The following HELZ variants were observed in gnomAD, a reference collection of about 807,000 sequenced individuals.
The protein encoded by HELZ is ATP-dependent RNA helicase with zinc finger domain.
A neutral mutation model predicts 218.2 loss-of-function variants in HELZ; 23 were observed. The ratio of observed to expected loss-of-function variants is 0.11; its 90% CI spans 0.08 to 0.15. The LOEUF is 0.15. HELZ is among the 10% of genes least tolerant of loss of function. The pLI is 1.00. For missense variants in HELZ, 1,813 were observed against 2,353.7 expected (o/e 0.77, Z 4.75); for synonymous variants, 814 against 829.4 (o/e 0.98, Z 0.32).
At chr17:67,085,533 T>TA (rs1444247408) in intron 32 of HELZ, among the ~76,000 whole-genome samples, 2 of 144,714 alleles carry the variant, frequency 1.4e-5, no homozygotes, top group Non-Finnish European at 3.0e-5. Context: ...TGCCAGGAAA[T>TA]AAAAGCAAAA....
At position 67,203,304 on chromosome 17, in the gene HELZ, A is replaced by G; in HGVS notation, c.372+15T>C. On this transcript the variant is annotated intron_variant, in intron 6 of 32. Transcript: ENST00000358691. ...TTTGTTTTCAGGCATACAAAATTAG[A>G]GCTTATCAACATACCAGGGACTCTC... 2 of 1,612,434 alleles carry G rather than the reference A, an allele frequency of 1.2e-6. No homozygotes were observed. Among genetic ancestry groups the G allele is most frequent in the Non-Finnish European group, 1.7e-6 (2 of 1,179,360 alleles).
At chr17:67,217,244 G>A (rs867068874) in intron 4 of HELZ, among the ~76,000 whole-genome samples, 1 of 152,092 alleles carries the variant, frequency 6.6e-6, no homozygotes, top group Non-Finnish European at 1.5e-5. Flanking sequence ...CAATTGCTCA[G>A]ACAAAAAGTA....
intron 14 of HELZ, 85 bp downstream of exon 14, chr17:67,167,378 A>T: frequency 9.6e-7 from 1 of 1,046,384 alleles, no homozygotes; most frequent in South Asian, 1.6e-5. Context: ...TGTTTACGGC[A>T]GAAGAAAAAC....
At chr17:67,089,662 TATATATAG>T (rs1413792538) in intron 31 of HELZ, among the ~76,000 whole-genome samples, 1 of 44,066 alleles carries the variant, frequency 2.3e-5, no homozygotes, top group Non-Finnish European at 4.1e-5. Context: ...TATATATATA[TATATATAG>T]AGAGAGAGAG....
intron 20 of HELZ, 136 bp from the exon 21 acceptor site, chr17:67,146,026 C>T: frequency 1.4e-6 from 1 of 721,538 alleles, no homozygotes; most frequent in Non-Finnish European, 2.3e-6. Flanking sequence ...TCATCTAATA[C>T]TTGTGATACC....
At chr17:67,138,266 T>G in intron 21 of HELZ, 152 bp from the exon 22 acceptor site, 1 of 523,520 alleles carries the variant, frequency 1.9e-6, no homozygotes. Flanking sequence ...AGTAATGCTT[T>G]GCTGATGTGA....
chr17:67,187,192 A>C (rs2039779096), intron 12 of HELZ, among the ~76,000 whole-genome samples: 2 of 152,208 alleles, frequency 1.3e-5, no homozygotes, highest in African/African-American at 2.4e-5. Flanking sequence ...CTATTTAGCT[A>C]TGGAAATTAA....
Position 67,078,531 on chromosome 17 carries a change from C to CTG in HELZ, c.5549_5550insCA (p.Glu1850AspfsTer78). On this transcript the variant is annotated frameshift_variant, in exon 33 of 33. Transcript: ENST00000358691. LOFTEE classifies it high-confidence loss of function. ...CACTGTAGTTGAAGGAACTGGACAC[C>CTG]TCGAGGTTCTCCGACTTCAGTTGAT... is the stretch of plus-strand genomic sequence containing the variant. The CTG allele has an allele frequency of 6.7e-7, 1 of 1,500,766 alleles. No homozygotes were observed. Among genetic ancestry groups the CTG allele is most frequent in the South Asian group, 1.4e-5 (1 of 72,592 alleles). 93.0% of individuals were successfully genotyped at this position (1,500,766 alleles called of 1,614,324 possible).
At chr17:67,174,923 C>G (rs1158920571) in intron 13 of HELZ, among the ~76,000 whole-genome samples, 1 of 152,206 alleles carries the variant, frequency 6.6e-6, no homozygotes, top group Non-Finnish European at 1.5e-5. Context: ...ACCACGATGT[C>G]ACAAAGAGGC....
intron 32 of HELZ, among the ~76,000 whole-genome samples, chr17:67,086,270 A>G (rs1389594228): frequency 1.3e-5 from 2 of 152,140 alleles, no homozygotes; most frequent in African/African-American, 4.8e-5. Context: ...AAATATGGAT[A>G]TATCTACTAA....
chr17:67,212,080 G>C (rs1018670563), intron 5 of HELZ, among the ~76,000 whole-genome samples: 8 of 151,780 alleles, frequency 5.3e-5, no homozygotes, highest in Admixed American at 2.6e-4. Flanking sequence ...AGACTATGCT[G>C]TAAGGCCAAG....
chr17:67,221,945 C>T (rs549055330), intron 3 of HELZ, among the ~76,000 whole-genome samples: 1 of 151,898 alleles, frequency 6.6e-6, no homozygotes, highest in Non-Finnish European at 1.5e-5. Context: ...GGGAATCATC[C>T]TCCTTCCTTG....
In HELZ at chr17:67,071,894, T is replaced by C. The variant is rs940274143; in HGVS notation, c.*6358A>G. On this transcript the variant is annotated 3_prime_UTR_variant, in exon 33 of 33. Transcript: ENST00000358691. The stretch of plus-strand genomic sequence containing the variant: ...TCAGAGACATTTATTTTCTGCCATA[T>C]GTAACACTTCAGGCTCTCTCTAACA... The C allele has an allele frequency of 2.6e-5, 4 of 152,568 alleles. No individual in the cohort carries two copies. Among genetic ancestry groups the C allele is most frequent in the Non-Finnish European group, 4.4e-5 (3 of 68,036 alleles). The allele number at this position is 152,568 out of a possible 1,614,324, so 9.5% of individuals were successfully genotyped here. A position where few individuals can be genotyped will look rare whatever the true frequency, so the allele number is the denominator to read the frequency against.
At chr17:67,136,916 CATAAAAATG>C (rs1014298344) in intron 22 of HELZ, among the ~76,000 whole-genome samples, 1 of 152,076 alleles carries the variant, frequency 6.6e-6, no homozygotes, top group African/African-American at 2.4e-5. Flanking sequence ...AACTTATGTG[CATAAAAATG>C]GTTAAAATGG....
At chr17:67,181,567 T>G (rs2039613858) in intron 12 of HELZ, among the ~76,000 whole-genome samples, 1 of 152,190 alleles carries the variant, frequency 6.6e-6, no homozygotes, top group African/African-American at 2.4e-5. Context: ...AAATTAAAAA[T>G]TAAATGTTAA....
At chr17:67,168,858 A>G (rs111344282) in intron 13 of HELZ, among the ~76,000 whole-genome samples, 13,234 of 152,164 alleles carry the variant, frequency 0.087, 1,497 homozygotes, top group African/African-American at 0.26. Context: ...ATGGGAGGCT[A>G]AGGCGGGCAG....
chr17:67,173,487 T>C (rs764330052), intron 13 of HELZ, among the ~76,000 whole-genome samples: 15 of 152,194 alleles, frequency 9.9e-5, no homozygotes, highest in Non-Finnish European at 1.5e-4. Context: ...GATACTTCCA[T>C]GCTAATGAGA....
At chr17:67,148,484 T>C in intron 20 of HELZ, 85 bp downstream of exon 20, 2 of 1,115,036 alleles carry the variant, frequency 1.8e-6, no homozygotes, top group South Asian at 3.2e-5. Context: ...GGGAATCATC[T>C]GTCCCTAGCA....
intron 17 of HELZ, among the ~76,000 whole-genome samples, chr17:67,156,267 A>T (rs2038840472): frequency 6.6e-6 from 1 of 152,134 alleles, no homozygotes; most frequent in African/African-American, 2.4e-5. Context: ...TGAGAAAAAA[A>T]ATTACCAATA....
Sources: gnomAD v4.1 joint callset for allele counts (sites outside exome capture counted in the v4.1 genomes callset) on GRCh38, gnomAD v4.1.1 for gene constraint, MANE v1.5 for transcripts, NCBI Gene and HGNC (gene_info 2026-07-23, HGNC 2026-07-21) for gene names.